JAK1: variants seen among roughly 807,000 people sequenced by gnomAD.
JAK1 encodes Janus kinase 1.
In JAK1, 16 loss-of-function variants were observed where a neutral mutation model predicts 136.6. That is an observed-to-expected ratio of 0.12 (90% CI 0.08 to 0.18). The LOEUF is 0.18. Ranked by LOEUF, JAK1 falls within the 10% of genes least tolerant of loss-of-function variation. The probability of loss-of-function intolerance (pLI) is 1.00; values close to 1 mark genes in which losing one functional copy is unlikely to be tolerated. For missense variants in JAK1, 859 were observed against 1,450.1 expected, an observed-to-expected ratio of 0.59 and a Z score of 6.62; for synonymous variants, 492 against 519.5, an observed-to-expected ratio of 0.95 and a Z score of 0.72.
In JAK1 at chr1:64,869,979, C is replaced by T. The variant is rs571232363; in HGVS notation, c.484-505G>A. On this transcript the variant is annotated intron_variant, in intron 5 of 24. Transcript: ENST00000342505. ...CACATGTACATTTTCCCACATCTAC[C>T]GTTCGAGTTTCCCATAGTGAAATGT... is the stretch of plus-strand genomic sequence containing the variant. Among the ~76,000 whole-genome samples the T allele has an allele frequency of 2.0e-4, 31 of 152,246 alleles. No individual in the cohort carries two copies. The South Asian group carries it at 5.6e-3, about 27-fold the overall frequency.
At chr1:64,947,958 A>T (rs781775547) in intron 1 of JAK1, among the ~76,000 whole-genome samples, 31 of 152,160 alleles carry the variant, frequency 2.0e-4, no homozygotes, top group Non-Finnish European at 3.8e-4. Context: ...TTAGAAATAC[A>T]AATGTTTCCA....
At chr1:64,985,147 T>C (rs1476834897) in intron 2 of JAK1, 9 of 1,254,718 alleles carry the variant, frequency 7.2e-6, no homozygotes, top group African/African-American at 5.9e-5. Flanking sequence ...ATAGTGAAGA[T>C]AGTATTAACC....
At chr1:65,018,983 C>T (rs571930876) in intron 2 of JAK1, among the ~76,000 whole-genome samples, 51 of 152,046 alleles carry the variant, frequency 3.4e-4, no homozygotes, top group African/African-American at 1.2e-3. Context: ...TGCCCTCCAT[C>T]GTGGGGGACA....
intron 1 of JAK1, among the ~76,000 whole-genome samples, chr1:64,965,631 C>G (rs1177374589): frequency 1.3e-5 from 2 of 152,078 alleles, no homozygotes; most frequent in African/African-American, 4.8e-5. Context: ...TTAATCAGTC[C>G]CTTTCCAGTG....
chr1:64,839,145 CAAAA>C (rs56058898), intron 20 of JAK1, among the ~76,000 whole-genome samples: 2 of 59,868 alleles, frequency 3.3e-5, no homozygotes, highest in South Asian at 6.0e-4. Context: ...GACTCCGTCT[CAAAA>C]AAAAAAAAAA....
rs559964462 is a variant in JAK1, at chr1:64,922,158, A to C, written c.-77-35817T>G. Among the ~76,000 whole-genome samples, 677 of 150,494 alleles carry C rather than the reference A, an allele frequency of 4.5e-3. 10 individuals carry two copies. Among genetic ancestry groups the C allele is most frequent in the African/African-American group, 0.016 (646 of 40,658 alleles). The stretch of plus-strand genomic sequence containing the variant: ...TTGATTGTTCTTATGGAAAAAAAAA[A>C]CCACAACAACAACACTACTAAATGC... On this transcript the variant is annotated intron_variant, in intron 1 of 24. Coordinates refer to ENST00000342505, the MANE Select transcript of JAK1 (RefSeq NM_002227.4).
At chr1:64,989,332 T>A (rs1029259040) in intron 2 of JAK1, 1 of 142,982 alleles carries the variant, frequency 7.0e-6, no homozygotes, top group Non-Finnish European at 1.6e-5. Flanking sequence ...CTCAAATAAA[T>A]AAATAAATAA....
intron 1 of JAK1, among the ~76,000 whole-genome samples, chr1:65,063,703 G>T (rs959402085): frequency 3.3e-5 from 5 of 151,714 alleles, no homozygotes; most frequent in Non-Finnish European, 5.9e-5. Flanking sequence ...TACTCTGGAG[G>T]CTGAGACAAG....
intron 1 of JAK1, among the ~76,000 whole-genome samples, chr1:65,053,745 CAGG>C: frequency 6.6e-6 from 1 of 152,306 alleles, no homozygotes; most frequent in Non-Finnish European, 1.5e-5. Flanking sequence ...CTCAGCTAAT[CAGG>C]AGGCTGAGGC....
chr1:64,919,146 C>T (rs1389339986), intron 1 of JAK1, among the ~76,000 whole-genome samples: 1 of 152,130 alleles, frequency 6.6e-6, no homozygotes, highest in African/African-American at 2.4e-5. Flanking sequence ...AAGTATATCT[C>T]CTAACGCTAT....
At position 64,942,874 on chromosome 1, in the gene JAK1, T is replaced by C. The variant is rs1033113714; in HGVS notation, c.-78+23459A>G. ...ACTTTCCTGTTCTAAATAAAGTAAC[T>C]GTCTTAATTTTTTTAAAAAAAGAAA... On this transcript the variant is annotated intron_variant, in intron 1 of 24. Coordinates refer to ENST00000342505, the MANE Select transcript of JAK1 (RefSeq NM_002227.4). Among the ~76,000 whole-genome samples, 5 of 152,338 alleles carry C rather than the reference T, an allele frequency of 3.3e-5. No individual in the cohort carries two copies. The South Asian group carries it at 1.0e-3, about 32-fold the overall frequency.
At position 64,844,196 on chromosome 1, in the gene JAK1, T is replaced by C. The variant is rs907333268; in HGVS notation, c.2271A>G (p.Pro757=). Residue 757 remains proline, a synonymous_variant, in exon 17 of 25, where the codon CCA becomes CCG. Coordinates refer to ENST00000342505, the MANE Select transcript of JAK1 (RefSeq NM_002227.4). The surrounding 1 kb of genome is among the most constrained non-coding windows in gnomAD (Gnocchi z 5.7). ...CCTCAACACACTCAGGAGCAATCCA[T>C]GGGATTCGTTCAATGCATTCTGGAA... ...LSRQECIERI[P]WIAPECVEDS... is the part of the protein sequence containing the mutation. 6.2e-7 allele frequency: 1 copy of C among 1,614,176 alleles called. No individual in the cohort carries two copies. The highest frequency in any genetic ancestry group is 1.3e-5 in the African/African-American group (1 of 75,048).
chr1:64,850,630 G>A (rs1655525372), intron 12 of JAK1, among the ~76,000 whole-genome samples, 174 bp downstream of exon 12: 2 of 152,238 alleles, frequency 1.3e-5, no homozygotes, highest in Non-Finnish European at 2.9e-5. Flanking sequence ...CATCAGCAAG[G>A]GTGAAGAGGA....
rs1557613256 is a variant in JAK1, at chr1:64,833,523, C to G, written c.*1039G>C. On this transcript the variant is annotated 3_prime_UTR_variant, in exon 25 of 25. Coordinates refer to ENST00000342505, the MANE Select transcript of JAK1 (RefSeq NM_002227.4). ...GATTACCCAGCTACCTCCAAGCAAA[C>G]TGAAAACTGTCTAGTGGATCCTGAA... 1 of 232,904 alleles carries G rather than the reference C, an allele frequency of 4.3e-6. No homozygotes were observed. Among genetic ancestry groups the G allele is most frequent in the Non-Finnish European group, 8.5e-6 (1 of 117,872 alleles). 14.4% of individuals were successfully genotyped at this position (232,904 alleles called of 1,614,324 possible).
chr1:65,045,384 G>C (rs1647175233), intron 1 of JAK1, among the ~76,000 whole-genome samples: 1 of 152,190 alleles, frequency 6.6e-6, no homozygotes, highest in Admixed American at 6.5e-5. Context: ...ACAGACAGGA[G>C]AAGAGAGACT....
intron 2 of JAK1, among the ~76,000 whole-genome samples, chr1:64,982,609 C>T (rs1646558847): frequency 6.6e-6 from 1 of 152,152 alleles, no homozygotes; most frequent in South Asian, 2.1e-4. Context: ...TTAATGACAC[C>T]AAGTCCTGCT....
At chr1:65,022,407 C>T (rs1024039333) in intron 2 of JAK1, among the ~76,000 whole-genome samples, 1 of 152,128 alleles carries the variant, frequency 6.6e-6, no homozygotes, top group African/African-American at 2.4e-5. Context: ...TATTCCAGTG[C>T]ACCCATAGGG....
At chr1:65,047,039 A>G (rs1365516005) in intron 1 of JAK1, among the ~76,000 whole-genome samples, 1 of 151,792 alleles carries the variant, frequency 6.6e-6, no homozygotes, top group Non-Finnish European at 1.5e-5. Context: ...GGAAAAAAAA[A>G]ATAGCTAGGC....
At chr1:64,944,397 T>C (rs1176550689) in intron 1 of JAK1, among the ~76,000 whole-genome samples, 1 of 152,148 alleles carries the variant, frequency 6.6e-6, no homozygotes, top group South Asian at 2.1e-4. Flanking sequence ...AATATGTCAC[T>C]TTTGGAGAGC....
Sources: gnomAD v4.1 joint callset for allele counts (sites outside exome capture counted in the v4.1 genomes callset) on GRCh38, gnomAD v4.1.1 for gene constraint, Gnocchi (gnomAD v3.1) non-coding constraint, MANE v1.5 for transcripts, NCBI Gene and HGNC (gene_info 2026-07-23, HGNC 2026-07-21) for gene names.